The following SMC6 variants were observed in gnomAD, a reference collection of about 807,000 sequenced individuals.
SMC6 encodes structural maintenance of chromosomes protein 6.
In SMC6, 79 loss-of-function variants were observed where a neutral mutation model predicts 142.2. The observed-to-expected ratio is 0.56, with a 90% CI of 0.46 to 0.67. The LOEUF is 0.67. Among genes scored for constraint, SMC6 ranks in the 30% least tolerant of loss-of-function variants. SMC6 has a pLI of 0.00. For synonymous variants in SMC6, 411 were observed against 412.4 expected, an observed-to-expected ratio of 1.00 and a Z score of 0.04; for missense variants, 1,072 against 1,284.0, an observed-to-expected ratio of 0.83 and a Z score of 2.52.
intron 23 of SMC6, among the ~76,000 whole-genome samples, chr2:17,690,912 A>G (rs1345077047): frequency 1.3e-5 from 2 of 152,026 alleles, no homozygotes; most frequent in Admixed American, 6.5e-5. Context: ...CAAAATTGGT[A>G]CAATCCCTAT....
chr2:17,709,472 C>G (rs1387965718), intron 16 of SMC6, among the ~76,000 whole-genome samples: 1 of 152,146 alleles, frequency 6.6e-6, no homozygotes, highest in Non-Finnish European at 1.5e-5. Flanking sequence ...ATAGGAGGTA[C>G]AGGAGCAATG....
chr2:17,667,786 G>A (rs1666569816), intron 26 of SMC6, among the ~76,000 whole-genome samples: 2 of 152,172 alleles, frequency 1.3e-5, no homozygotes, highest in South Asian at 4.1e-4. Context: ...GGAGGCGGAG[G>A]TCGCAGTGAG....
chr2:17,700,374 T>C lies in SMC6; in HGVS notation c.2228A>G (p.Asp743Gly), dbSNP rs755856150. ...HQSVDIATLE[D>G]EAQENKSKMK... The stretch of plus-strand genomic sequence containing the variant: ...TTTGCTTTTATTTTCCTGAGCTTCA[T>C]CTTCCTGATAAAATTTAAACAGCAT... Residue 743 changes from aspartate to glycine, a missense_variant, in exon 21 of 28, where the codon GAT (aspartate) becomes GGT (glycine). Asp to Gly is a moderately conservative substitution (Grantham distance 94). Coordinates refer to ENST00000448223, the MANE Select transcript of SMC6 (RefSeq NM_001142286.2). 1.3e-6 allele frequency: 2 copies of C among 1,593,830 alleles called. No individual in the cohort carries two copies. Among genetic ancestry groups the C allele is most frequent in the Non-Finnish European group, 1.7e-6 (2 of 1,173,162 alleles).
chr2:17,719,611 A>C (rs186975686), intron 11 of SMC6, among the ~76,000 whole-genome samples: 187 of 152,298 alleles, frequency 1.2e-3, no homozygotes, highest in South Asian at 2.5e-3. Flanking sequence ...TGAGGAGGAA[A>C]GTATTTAAGG....
intron 5 of SMC6, 33 bp downstream of exon 5, chr2:17,738,188 A>C (rs375570542): frequency 3.8e-5 from 57 of 1,498,254 alleles, no homozygotes; most frequent in Non-Finnish European, 4.9e-5. Flanking sequence ...TTACTAAAGA[A>C]TTGAAAATAG....
At chr2:17,727,952 GC>G (rs898619155) in intron 7 of SMC6, among the ~76,000 whole-genome samples, 4 of 151,972 alleles carry the variant, frequency 2.6e-5, no homozygotes, top group South Asian at 2.1e-4. Flanking sequence ...TTTTCACAAA[GC>G]CCCCCCAGCT....
At chr2:17,735,766 A>C (rs1331020008) in intron 5 of SMC6, among the ~76,000 whole-genome samples, 1 of 152,216 alleles carries the variant, frequency 6.6e-6, no homozygotes, top group African/African-American at 2.4e-5. Context: ...GGATAATTAG[A>C]AGGATGAGTC....
At chr2:17,698,053 A>T (rs1249942918) in intron 21 of SMC6, among the ~76,000 whole-genome samples, 1 of 152,094 alleles carries the variant, frequency 6.6e-6, no homozygotes, top group African/African-American at 2.4e-5. Context: ...CACATACTAT[A>T]TGATTCTACT....
intron 16 of SMC6, among the ~76,000 whole-genome samples, chr2:17,710,595 C>T (rs1431362537): frequency 3.3e-5 from 5 of 151,922 alleles, no homozygotes; most frequent in African/African-American, 1.2e-4. Context: ...AAACGAACAC[C>T]TAGAGAATTA....
chr2:17,737,590 T>C (rs769655249), intron 5 of SMC6, among the ~76,000 whole-genome samples: 6 of 152,218 alleles, frequency 3.9e-5, no homozygotes, highest in Non-Finnish European at 8.8e-5. Flanking sequence ...CATATAGCTA[T>C]GTGATGGCAA....
intron 23 of SMC6, 52 bp from the exon 24 acceptor site, chr2:17,683,815 T>A (rs773040814): frequency 6.5e-7 from 1 of 1,527,952 alleles, no homozygotes; most frequent in Admixed American, 1.7e-5. Flanking sequence ...GTAAAAAACA[T>A]AACAGTAGAA....
chr2:17,694,819 A>G (rs1276096148), intron 23 of SMC6, among the ~76,000 whole-genome samples: 10 of 152,150 alleles, frequency 6.6e-5, no homozygotes, highest in African/African-American at 2.4e-4. Context: ...TTTTCATCCT[A>G]TTCAATTTGA....
At position 17,701,858 on chromosome 2, in the gene SMC6, C is replaced by G. The variant is rs1478760152; in HGVS notation, c.2194G>C (p.Glu732Gln). ...SEIRELENIE[E>Q]HQSVDIATLE... The stretch of plus-strand genomic sequence containing the variant: ...GTTGCAATATCTACAGACTGGTGTT[C>G]TTCTATGTTCTCAAGTTCCCGAATT... Residue 732 changes from glutamate to glutamine, a missense_variant, in exon 20 of 28, where the codon GAA becomes CAA. Glu to Gln is a conservative substitution (Grantham distance 29, BLOSUM62 2). Coordinates refer to ENST00000448223, the MANE Select transcript of SMC6 (RefSeq NM_001142286.2). 3.2e-6 allele frequency: 5 copies of G among 1,580,460 alleles called. No homozygotes were observed. The highest frequency in any genetic ancestry group is 2.6e-6 in the Non-Finnish European group (3 of 1,160,728).
intron 4 of SMC6, chr2:17,740,716 T>G (rs78381271): frequency 1.3e-5 from 6 of 446,836 alleles, no homozygotes; most frequent in African/African-American, 8.2e-5. Context: ...TTAGCCAGGC[T>G]TGAAGGCACG....
chr2:17,717,294 G>A (rs886349321), intron 12 of SMC6, 118 bp from the exon 13 acceptor site: 13 of 585,592 alleles, frequency 2.2e-5, no homozygotes, highest in South Asian at 1.1e-4. Context: ...TTTAAATGAA[G>A]CACAAAATGG....
intron 1 of SMC6, 30 bp from the exon 2 acceptor site, chr2:17,753,094 T>C (rs1279477707): frequency 2.4e-6 from 2 of 846,680 alleles, no homozygotes; most frequent in Non-Finnish European, 2.8e-6. Context: ...AGAAATGCCA[T>C]CAGTAAACCT....
chr2:17,711,814 TCAC>T (rs907456374), intron 16 of SMC6, among the ~76,000 whole-genome samples: 14 of 152,112 alleles, frequency 9.2e-5, no homozygotes, highest in African/African-American at 3.1e-4. Flanking sequence ...AAACGGCGTT[TCAC>T]CACATTACCC....
chr2:17,710,577 G>C (rs1668779247), intron 16 of SMC6, among the ~76,000 whole-genome samples: 1 of 152,082 alleles, frequency 6.6e-6, no homozygotes, highest in Admixed American at 6.6e-5. Flanking sequence ...AGAAGCAAAA[G>C]ATACCAAAAA....
intron 3 of SMC6, among the ~76,000 whole-genome samples, chr2:17,745,339 T>A (rs995484375): frequency 2.0e-5 from 3 of 152,194 alleles, no homozygotes; most frequent in South Asian, 2.1e-4. Context: ...ATTTCTTTTA[T>A]AGGAATTTAA....
Sources: gnomAD v4.1 joint callset for allele counts (sites outside exome capture counted in the v4.1 genomes callset) on GRCh38, gnomAD v4.1.1 for gene constraint, MANE v1.5 for transcripts, NCBI Gene and HGNC (gene_info 2026-07-23, HGNC 2026-07-21) for gene names.